The following IL12RB1 variants were observed in gnomAD, a reference collection of about 807,000 sequenced individuals.
IL12RB1 encodes interleukin 12 receptor subunit beta 1, also known as interleukin-12 receptor subunit beta-1.
Under a neutral mutation model 94.4 loss-of-function variants are expected in IL12RB1, and 64 were observed. That is an observed-to-expected ratio of 0.68 (90% confidence interval 0.55 to 0.83). IL12RB1 has a LOEUF of 0.83. IL12RB1 is among the 40% of genes least tolerant of loss of function. The pLI is 0.00. For synonymous variants in IL12RB1, 362 were observed against 355.5 expected, an observed-to-expected ratio of 1.02 and a Z score of -0.21; for missense variants, 814 against 855.6, an observed-to-expected ratio of 0.95 and a Z score of 0.61.
At chr19:18,070,209 C>T (rs1269966679) in intron 9 of IL12RB1, among the ~76,000 whole-genome samples, 3 of 152,200 alleles carry the variant, frequency 2.0e-5, no homozygotes, top group Admixed American at 1.3e-4. Flanking sequence ...CATAATCCGC[C>T]GCATCCAGTC....
chr19:18,087,120 C>G, upstream of IL12RB1: 1 of 503,420 alleles, frequency 2.0e-6, no homozygotes, highest in Non-Finnish European at 3.6e-6. Context: ...GGCCCCAGAC[C>G]TGAACTGAAC....
Position 18,072,095 on chromosome 19 carries a change from C to T in IL12RB1, c.1021+17G>A, listed in dbSNP as rs772961425. ...CTGAGGGGCCCTCATACCGCCCTCC[C>T]CACCCAGAGGAGGCACCTGTGTGGG... On this transcript the variant is annotated intron_variant, in intron 9 of 16. Transcript: ENST00000593993. 2 of 1,549,580 alleles carry T rather than the reference C, an allele frequency of 1.3e-6. No homozygotes were observed. The highest frequency in any genetic ancestry group is 3.3e-5 in the Admixed American group (2 of 59,918).
At chr19:18,086,231 A>G (rs1225419893) in intron 1 of IL12RB1, among the ~76,000 whole-genome samples, 2 of 49,704 alleles carry the variant, frequency 4.0e-5, no homozygotes, top group African/African-American at 1.9e-4. Flanking sequence ...TCAGTAAATA[A>G]ATAAATAAAT....
At chr19:18,083,722 AC>A (rs1180033140) in intron 1 of IL12RB1, among the ~76,000 whole-genome samples, 7 of 147,420 alleles carry the variant, frequency 4.7e-5, no homozygotes, top group African/African-American at 1.8e-4. Context: ...CCATCCATCC[AC>A]CCATGAATTC....
chr19:18,086,832 C>T lies in IL12RB1; in HGVS notation c.-9G>A, dbSNP rs373566363. On this transcript the variant is annotated 5_prime_UTR_variant, in exon 1 of 17. The change creates a new upstream start codon in the 5' untranslated region. Coordinates refer to ENST00000593993, the MANE Select transcript of IL12RB1 (RefSeq NM_005535.3). ...GTCACCAGCGGCTCCATCGGATCCA[C>T]GTAGAGCCCCACAGCCCCAGGGGAG... 1.1e-5 allele frequency: 18 copies of T among 1,608,286 alleles called. No homozygotes were observed. In the East Asian group the frequency reaches 2.7e-4, roughly 24 times the overall value.
intron 1 of IL12RB1, among the ~76,000 whole-genome samples, chr19:18,097,367 T>G (rs768399186): frequency 6.6e-6 from 1 of 151,788 alleles, no homozygotes; most frequent in East Asian, 1.9e-4. Context: ...TTTGTTTTGG[T>G]TTTTTTTGTT....
chr19:18,060,129 T>C, intron 15 of IL12RB1, 44 bp from the exon 16 acceptor site: 1 of 1,083,776 alleles, frequency 9.2e-7, no homozygotes, highest in Non-Finnish European at 1.4e-6. Context: ...AGAGCTCTAC[T>C]TCCCATCCAC....
At chr19:18,070,136 T>A (rs1255454964) in intron 9 of IL12RB1, among the ~76,000 whole-genome samples, 1 of 152,096 alleles carries the variant, frequency 6.6e-6, no homozygotes, top group African/African-American at 2.4e-5. Flanking sequence ...CCCAGGCTGG[T>A]CTCGAACTCC....
chr19:18,072,367 G>C lies in IL12RB1; in HGVS notation c.784-18C>G. The C allele has an allele frequency of 6.6e-7, 1 of 1,523,094 alleles. No individual in the cohort carries two copies. Among genetic ancestry groups the C allele is most frequent in the Non-Finnish European group, 9.1e-7 (1 of 1,097,176 alleles). The allele number at this position is 1,523,094 out of a possible 1,614,324, so 94.3% of individuals were successfully genotyped here. A position where few individuals can be genotyped will look rare whatever the true frequency, so the allele number is the denominator to read the frequency against. On this transcript the variant is annotated intron_variant, in intron 8 of 16. Transcript: ENST00000593993. ...TGGGTTGGCTGTCAGGAGTATGAAAGACAGCTTGTGGGTACCTGATCACAC... is the reference window on the plus strand; with the variant it reads ...TGGGTTGGCTGTCAGGAGTATGAAACACAGCTTGTGGGTACCTGATCACAC...
chr19:18,081,155 G>A (rs1017204219), intron 3 of IL12RB1, among the ~76,000 whole-genome samples, 154 bp from the exon 4 acceptor site: 5 of 152,012 alleles, frequency 3.3e-5, no homozygotes, highest in Non-Finnish European at 7.4e-5. Context: ...GAGTGCAGTC[G>A]CGCAATCTCG....
chr19:18,083,484 G>A lies in IL12RB1; in HGVS notation c.72C>T (p.Cys24=), dbSNP rs1260849728. The change falls in exon 2 of 17, where the codon TGC becomes TGT. Residue 24 remains cysteine (C), a synonymous_variant. Coordinates refer to ENST00000593993, the MANE Select transcript of IL12RB1 (RefSeq NM_005535.3). ...CCTGAAAACAGCACTCACTGGTTCT[G>A]CAGGCAGCTGCAAAGGCAATGAAGA... ...LFLLSRQGAA[C]RTSECCFQDP... The A allele has an allele frequency of 6.2e-7, 1 of 1,613,560 alleles. No homozygotes were observed. Among genetic ancestry groups the A allele is most frequent in the African/African-American group, 1.3e-5 (1 of 74,804 alleles).
At chr19:18,061,733 C>T (rs757862727) in intron 14 of IL12RB1, among the ~76,000 whole-genome samples, 4 of 151,986 alleles carry the variant, frequency 2.6e-5, no homozygotes, top group Admixed American at 6.6e-5. Flanking sequence ...TGTGATGGCA[C>T]GCACCTGTAG....
chr19:18,095,689 T>C (rs945895940), intron 1 of IL12RB1, among the ~76,000 whole-genome samples: 2 of 152,230 alleles, frequency 1.3e-5, no homozygotes, highest in African/African-American at 4.8e-5. Flanking sequence ...GTGAATTATA[T>C]GTCAATTTTT....
In IL12RB1 at chr19:18,080,901, A is replaced by C; in HGVS notation, c.340T>G (p.Trp114Gly). The stretch of plus-strand genomic sequence containing the variant: ...TGGTTCCTGGCCCAGGATTCCACCC[A>C]GAGTGTGACAGTGTACAGCACAGAC... ...GVSVLYTVTL[W>G]VESWARNQTE... The change falls in exon 4 of 17, where the codon TGG becomes GGG. Residue 114 changes from tryptophan to glycine, a missense_variant. Coordinates refer to ENST00000593993, the MANE Select transcript of IL12RB1 (RefSeq NM_005535.3). 1 of 1,613,348 alleles carries C rather than the reference A, an allele frequency of 6.2e-7. No individual in the cohort carries two copies. Among genetic ancestry groups the C allele is most frequent in the African/African-American group, 1.3e-5 (1 of 75,020 alleles).
At chr19:18,093,254 C>T (rs535868799) in intron 1 of IL12RB1, among the ~76,000 whole-genome samples, 1 of 151,544 alleles carries the variant, frequency 6.6e-6, no homozygotes, top group Non-Finnish European at 1.5e-5. Context: ...TGCAGTGAGC[C>T]GAGATTGCTC....
chr19:18,084,115 G>C (rs55721908), intron 1 of IL12RB1, among the ~76,000 whole-genome samples: 11,011 of 126,522 alleles, frequency 0.087, 795 homozygotes, highest in African/African-American at 0.22. Flanking sequence ...ATCCATCCAC[G>C]CATCTACCCA....
chr19:18,095,537 T>C (rs927968408), intron 1 of IL12RB1, among the ~76,000 whole-genome samples: 8 of 152,184 alleles, frequency 5.3e-5, no homozygotes, highest in African/African-American at 1.9e-4. Context: ...GAATGAGGAC[T>C]GGCTGCTAAT....
rs763961268 is a variant in IL12RB1, at chr19:18,080,815, G to A, written c.409+17C>T. 4 of 1,568,284 alleles carry A rather than the reference G, an allele frequency of 2.6e-6. No homozygotes were observed. The highest frequency in any genetic ancestry group is 2.7e-5 in the African/African-American group (2 of 74,062). Reference sequence around the variant, plus strand: ...TCTCTGGGTAAAAAACGGACGGGGGGAGAACAAGGTGCTAACCTGAGTTGT... The same window carrying A: ...TCTCTGGGTAAAAAACGGACGGGGGAAGAACAAGGTGCTAACCTGAGTTGT... On this transcript the variant is annotated intron_variant, in intron 4 of 16. Coordinates refer to ENST00000593993, the MANE Select transcript of IL12RB1 (RefSeq NM_005535.3).
intron 8 of IL12RB1, among the ~76,000 whole-genome samples, 167 bp downstream of exon 8, chr19:18,073,350 A>T (rs2035217405): frequency 6.6e-6 from 1 of 150,880 alleles, no homozygotes; most frequent in Non-Finnish European, 1.5e-5. Context: ...TCACACACAC[A>T]CTCCATGGCT....
Sources: allele counts gnomAD v4.1 joint callset (sites outside exome capture counted in the v4.1 genomes callset), GRCh38; gene constraint gnomAD v4.1.1; transcripts MANE v1.5; gene names NCBI Gene and HGNC (gene_info 2026-07-23, HGNC 2026-07-21).